Variants in NUSAP1 observed in about 807,000 individuals in gnomAD.
NUSAP1 encodes nucleolar and spindle associated protein 1.
A neutral mutation model predicts 52.8 loss-of-function variants in NUSAP1; 32 were observed. The observed-to-expected ratio is 0.61, with a 90% CI of 0.46 to 0.81. The LOEUF (loss-of-function observed/expected upper bound fraction) is 0.81, where lower values mean the gene tolerates loss of function less well. NUSAP1 is among the 40% of genes least tolerant of loss of function. The pLI is 0.00. For missense variants in NUSAP1, 499 were observed against 522.3 expected (o/e 0.96, Z 0.43); for synonymous variants, 195 against 183.1 (o/e 1.06, Z -0.52).
At chr15:41,376,054 G>A (rs2049920044) in intron 9 of NUSAP1, among the ~76,000 whole-genome samples, 1 of 150,024 alleles carries the variant, frequency 6.7e-6, no homozygotes, top group East Asian at 2.0e-4. Flanking sequence ...CAACAAGAGT[G>A]AAACTCCATC....
rs746766695 is a variant in NUSAP1, at chr15:41,351,148, G to T, written c.448+19G>T. 1.9e-6 allele frequency: 3 copies of T among 1,600,708 alleles called. No individual in the cohort carries two copies. Among genetic ancestry groups the T allele is most frequent in the East Asian group, 4.5e-5 (2 of 44,814 alleles). On this transcript the variant is annotated intron_variant, in intron 4 of 10. Transcript: ENST00000559596. ...TCCTCAGGTAAACGTGGAATAAATG[G>T]TATGTCAAGTAACTTTAAAAACCAA...
chr15:41,378,905 A>G lies in NUSAP1; in HGVS notation c.1233-1188A>G, dbSNP rs530366555. 1.4e-4 allele frequency among the ~76,000 whole-genome samples: 21 copies of G among 150,348 alleles called. No individual in the cohort carries two copies. The East Asian group carries it at 3.1e-3, about 22-fold the overall frequency. On this transcript the variant is annotated intron_variant, in intron 10 of 10. Transcript: ENST00000559596. ...TTCAGAGGATTAGACAAACCAAAAA[A>G]AAAAAAGAAAAAGCCCAAGATTATA...
chr15:41,337,238 C>T (rs62001394), intron 1 of NUSAP1, among the ~76,000 whole-genome samples: 1 of 152,070 alleles, frequency 6.6e-6, no homozygotes, highest in African/African-American at 2.4e-5. Context: ...TGTCTGGTCT[C>T]CAACTCCTGA....
At chr15:41,359,198 A>T (rs749260852) in intron 6 of NUSAP1, among the ~76,000 whole-genome samples, 105 of 152,172 alleles carry the variant, frequency 6.9e-4, no homozygotes, top group Non-Finnish European at 1.4e-3. Context: ...TTGAACGCCT[A>T]GGCTCAAGTG....
intron 5 of NUSAP1, among the ~76,000 whole-genome samples, chr15:41,356,408 G>A (rs2048974434): frequency 7.1e-6 from 1 of 140,088 alleles, no homozygotes; most frequent in Non-Finnish European, 1.5e-5. Context: ...AGGCTAGAGT[G>A]CAGTAGCGTG....
chr15:41,372,209 T>G (rs891131254), intron 8 of NUSAP1, among the ~76,000 whole-genome samples: 1 of 152,116 alleles, frequency 6.6e-6, no homozygotes, highest in Non-Finnish European at 1.5e-5. Flanking sequence ...CTCCATCTAA[T>G]CCTAAAATGG....
chr15:41,364,918 A>G (rs1009670067), intron 6 of NUSAP1, among the ~76,000 whole-genome samples: 13 of 152,090 alleles, frequency 8.5e-5, no homozygotes, highest in African/African-American at 2.7e-4. Context: ...CAGCCGGGAA[A>G]GGCTTTCTTG....
At chr15:41,357,005 G>C (rs1472404324) in intron 5 of NUSAP1, among the ~76,000 whole-genome samples, 1 of 152,158 alleles carries the variant, frequency 6.6e-6, no homozygotes, top group Non-Finnish European at 1.5e-5. Context: ...TCAGCAAACT[G>C]TTGCCTGCCT....
Position 41,376,031 on chromosome 15 carries a change from A to G in NUSAP1, c.1123+203A>G, listed in dbSNP as rs980187927. On this transcript the variant is annotated intron_variant, in intron 9 of 10. Transcript: ENST00000559596. ...CAGTGAGCCGAGACCGTGCCACTGC[A>G]CTCCAGCCTGGGCAACAAGAGTGAA... Among the ~76,000 whole-genome samples, 22 of 152,254 alleles carry G rather than the reference A, an allele frequency of 1.4e-4. No individual in the cohort carries two copies. The East Asian group carries it at 4.0e-3, about 28-fold the overall frequency.
intron 10 of NUSAP1, among the ~76,000 whole-genome samples, chr15:41,378,944 G>GTTTTGTTTTTTTTTTTTTTTTTTT (rs2050092060): frequency 9.5e-5 from 6 of 63,270 alleles, no homozygotes; most frequent in African/African-American, 4.2e-4. Flanking sequence ...ACTTATCTTG[G>GTTTTGTTTTTTTTTTTTTTTTTTT]TTTTTTTTTT....
chr15:41,360,165 G>C (rs1219272477), intron 6 of NUSAP1, among the ~76,000 whole-genome samples: 1 of 151,610 alleles, frequency 6.6e-6, no homozygotes, highest in East Asian at 1.9e-4. Context: ...TTTAGATGGA[G>C]TCACATTGTG....
intron 6 of NUSAP1, among the ~76,000 whole-genome samples, chr15:41,362,341 C>G (rs2049207814): frequency 6.7e-6 from 1 of 149,266 alleles, no homozygotes; most frequent in Admixed American, 6.7e-5. Context: ...TGCAGATTTG[C>G]TTTTTCTCAA....
At chr15:41,372,219 G>T (rs1008614039) in intron 8 of NUSAP1, among the ~76,000 whole-genome samples, 2 of 152,056 alleles carry the variant, frequency 1.3e-5, no homozygotes, top group African/African-American at 4.8e-5. Context: ...TCCTAAAATG[G>T]TGACCCTCCA....
chr15:41,351,022 C>A lies in NUSAP1; in HGVS notation c.341C>A (p.Thr114Asn), dbSNP rs200519598. The part of the protein sequence containing the change: ...NHSEIKISNP[T>N]EFQNHEKQES... ...TCAGAGATAAAAATAAGTAATCCCA[C>A]TGAATTCCAGAATCATGAAAAGCAG... Residue 114 changes from threonine to asparagine, a missense_variant, in exon 4 of 11, where the codon ACT becomes AAT. Thr to Asn is a moderately conservative substitution (Grantham distance 65). Transcript: ENST00000559596. 6.9e-5 allele frequency: 112 copies of A among 1,612,754 alleles called. No individual in the cohort carries two copies. The highest frequency in any genetic ancestry group is 8.1e-5 in the Non-Finnish European group (96 of 1,179,350).
rs955476613 is a variant in NUSAP1, at chr15:41,332,932, G to T, written c.-26G>T. On this transcript the variant is annotated 5_prime_UTR_variant, in exon 1 of 11. Transcript: ENST00000559596. Reference sequence around the variant, plus strand: ...GACGAAGTTTGGTGATCCATCTTCCGAGTATCGCCGGGATTTCGAATCGCG... The same window carrying T: ...GACGAAGTTTGGTGATCCATCTTCCTAGTATCGCCGGGATTTCGAATCGCG... The T allele has an allele frequency of 3.8e-6, 6 of 1,568,480 alleles. No homozygotes were observed. In the African/African-American group the frequency reaches 4.1e-5, roughly 11 times the overall value.
chr15:41,333,348 A>T lies in NUSAP1; in HGVS notation c.93+298A>T, dbSNP rs2047993191. Among the ~76,000 whole-genome samples, 3 of 152,254 alleles carry T rather than the reference A, an allele frequency of 2.0e-5. No homozygotes were observed. In the South Asian group the frequency reaches 6.2e-4, roughly 32 times the overall value. On this transcript the variant is annotated intron_variant, in intron 1 of 10. Coordinates refer to ENST00000559596, the MANE Select transcript of NUSAP1 (RefSeq NM_016359.5). ...GTTTTGAAATTACTGTATACCTCTCAGGGCGTCGATTACGAAACTCAGGCC... is the reference window on the plus strand; with the variant it reads ...GTTTTGAAATTACTGTATACCTCTCTGGGCGTCGATTACGAAACTCAGGCC...
At chr15:41,375,951 A>G in intron 9 of NUSAP1, 123 bp downstream of exon 9, 2 of 639,698 alleles carry the variant, frequency 3.1e-6, no homozygotes, top group Non-Finnish European at 5.6e-6. Context: ...CTGTAATCCC[A>G]GATACTTAGG....
At chr15:41,372,735 G>A (rs932522291) in intron 8 of NUSAP1, among the ~76,000 whole-genome samples, 1 of 152,042 alleles carries the variant, frequency 6.6e-6, no homozygotes, top group African/African-American at 2.4e-5. Flanking sequence ...CCTGATTGCT[G>A]TTTCACAGAT....
At position 41,341,014 on chromosome 15, in the gene NUSAP1, C is replaced by T. The variant is rs142543048; in HGVS notation, c.94-1372C>T. Reference sequence around the variant, plus strand: ...CCTTGAGAAGGATGGCTGTGGCCCTCAACTGCATGGCTGGGTGGAAGAGGA... The same window carrying T: ...CCTTGAGAAGGATGGCTGTGGCCCTTAACTGCATGGCTGGGTGGAAGAGGA... On this transcript the variant is annotated intron_variant, in intron 1 of 10. Coordinates refer to ENST00000559596, the MANE Select transcript of NUSAP1 (RefSeq NM_016359.5). 3.3e-3 allele frequency among the ~76,000 whole-genome samples: 510 copies of T among 152,242 alleles called. 2 individuals are homozygous for T. Among genetic ancestry groups the T allele is most frequent in the African/African-American group, 0.012 (485 of 41,558 alleles).
Sources: allele counts gnomAD v4.1 joint callset (sites outside exome capture counted in the v4.1 genomes callset), GRCh38; gene constraint gnomAD v4.1.1; transcripts MANE v1.5; gene names NCBI Gene and HGNC (gene_info 2026-07-23, HGNC 2026-07-21).